DACH2: variants seen among roughly 807,000 people sequenced by gnomAD.
DACH2 encodes the protein dachshund homolog 2.
In DACH2, 17 loss-of-function variants were observed where a neutral mutation model predicts 35.8. The observed-to-expected ratio is 0.48, with a 90% CI of 0.33 to 0.71. DACH2 has a LOEUF of 0.71. Ranked by LOEUF, DACH2 falls within the 30% of genes least tolerant of loss-of-function variation. The probability of loss-of-function intolerance (pLI) is 0.02; values close to 1 mark genes in which losing one functional copy is unlikely to be tolerated. For synonymous variants in DACH2, 195 were observed against 177.3 expected (o/e 1.10, Z -0.79); for missense variants, 469 against 472.7 (o/e 0.99, Z 0.07).
chrX:86,544,710 G>A (rs1434243248), intron 3 of DACH2, among the ~76,000 whole-genome samples: 1 of 111,415 alleles, frequency 9.0e-6, no homozygotes, highest in East Asian at 2.8e-4. Flanking sequence ...AAAGACTATT[G>A]ACACTATGCA....
intron 3 of DACH2, among the ~76,000 whole-genome samples, chrX:86,607,592 T>TTTA (rs1010742233): frequency 7.2e-5 from 8 of 110,386 alleles, no homozygotes; most frequent in Admixed American, 3.9e-4. Context: ...GGTATTGTTT[T>TTTA]TTATTATTAT....
At chrX:86,338,117 A>G (rs2035348783) in intron 1 of DACH2, among the ~76,000 whole-genome samples, 1 of 111,302 alleles carries the variant, frequency 9.0e-6, no homozygotes, top group African/African-American at 3.3e-5. Flanking sequence ...AATAACAGAC[A>G]GATACTTTAA....
intron 1 of DACH2, among the ~76,000 whole-genome samples, chrX:86,310,269 G>T (rs1383759035): frequency 8.9e-6 from 1 of 111,825 alleles, no homozygotes; most frequent in Non-Finnish European, 1.9e-5. Flanking sequence ...AATGGAAGTT[G>T]TATATACATG....
chrX:86,368,881 A>G (rs1053292583), intron 1 of DACH2, among the ~76,000 whole-genome samples: 10 of 111,386 alleles, frequency 9.0e-5, no homozygotes, highest in African/African-American at 2.9e-4. Flanking sequence ...CACATAGCTT[A>G]TTAAGGAAAA....
At chrX:86,406,594 A>G (rs1185992603) in intron 2 of DACH2, among the ~76,000 whole-genome samples, 2 of 112,280 alleles carry the variant, frequency 1.8e-5, no homozygotes, top group Non-Finnish European at 3.8e-5. Context: ...TTAAACTGAC[A>G]TGGTTTTAGT....
intron 5 of DACH2, among the ~76,000 whole-genome samples, chrX:86,712,045 T>C (rs551543667): frequency 1.8e-5 from 2 of 111,519 alleles, no homozygotes; most frequent in East Asian, 2.8e-4. Context: ...GAATAGTAAA[T>C]AGGAGCACTG....
chrX:86,400,228 C>A (rs1209545780), intron 2 of DACH2, among the ~76,000 whole-genome samples: 3 of 111,696 alleles, frequency 2.7e-5, no homozygotes, highest in Non-Finnish European at 5.6e-5. Context: ...GTTTTCAGCT[C>A]TATCAGGTCC....
At chrX:86,702,315 T>A (rs930377603) in intron 5 of DACH2, among the ~76,000 whole-genome samples, 1 of 110,637 alleles carries the variant, frequency 9.0e-6, no homozygotes, top group Admixed American at 9.7e-5. Context: ...GATGCCTACA[T>A]TGAAAAGTCT....
At chrX:86,694,618 A>G (rs917067384) in intron 4 of DACH2, among the ~76,000 whole-genome samples, 1 of 112,351 alleles carries the variant, frequency 8.9e-6, no homozygotes, top group East Asian at 2.8e-4. Context: ...GCATGTTATC[A>G]TGCTCTTACA....
At chrX:86,601,823 C>T (rs931442206) in intron 3 of DACH2, among the ~76,000 whole-genome samples, 4 of 111,964 alleles carry the variant, frequency 3.6e-5, no homozygotes, top group African/African-American at 1.3e-4. Context: ...CAGCCATGTA[C>T]GTATTATTTG....
At chrX:86,455,846 A>G (rs957508623) in intron 2 of DACH2, among the ~76,000 whole-genome samples, 1 of 112,037 alleles carries the variant, frequency 8.9e-6, no homozygotes, top group Non-Finnish European at 1.9e-5. Flanking sequence ...CTTTCTAGGG[A>G]TATCTACAGA....
intron 2 of DACH2, among the ~76,000 whole-genome samples, chrX:86,498,244 A>G (rs1350160686): frequency 9.0e-6 from 1 of 111,690 alleles, no homozygotes. Context: ...TGCCTTAAGC[A>G]TATCATGTAT....
At chrX:86,491,887 C>T (rs1481464861) in intron 2 of DACH2, among the ~76,000 whole-genome samples, 1 of 111,394 alleles carries the variant, frequency 9.0e-6, no homozygotes, top group African/African-American at 3.3e-5. Context: ...TTAAATGTTA[C>T]CCAATCTATA....
At chrX:86,271,313 A>G (rs1214767112) in intron 1 of DACH2, among the ~76,000 whole-genome samples, 1 of 112,113 alleles carries the variant, frequency 8.9e-6, no homozygotes, top group Non-Finnish European at 1.9e-5. Flanking sequence ...TTAAATTTCT[A>G]TTTGTAATAT....
intron 7 of DACH2, among the ~76,000 whole-genome samples, chrX:86,789,823 G>A (rs2042171246): frequency 8.9e-6 from 1 of 111,811 alleles, no homozygotes; most frequent in African/African-American, 3.2e-5. Context: ...TATAAAATAT[G>A]ATGCCAAAAG....
chrX:86,467,806 C>A (rs899379130), intron 2 of DACH2, among the ~76,000 whole-genome samples: 1 of 111,965 alleles, frequency 8.9e-6, no homozygotes, highest in African/African-American at 3.2e-5. Context: ...ACACATTCTT[C>A]TTCCCATGGT....
intron 7 of DACH2, among the ~76,000 whole-genome samples, chrX:86,793,239 T>C (rs1376340039): frequency 9.0e-6 from 1 of 110,887 alleles, no homozygotes; most frequent in Non-Finnish European, 1.9e-5. Context: ...TGGGTTTTTT[T>C]TTGCTATTGA....
intron 2 of DACH2, among the ~76,000 whole-genome samples, chrX:86,420,682 T>C (rs1051258927): frequency 1.8e-5 from 2 of 111,701 alleles, no homozygotes; most frequent in Non-Finnish European, 3.8e-5. Context: ...AGTATATTGC[T>C]TAATGTCAGA....
intron 2 of DACH2, among the ~76,000 whole-genome samples, chrX:86,406,668 C>A (rs2036532046): frequency 8.9e-6 from 1 of 111,964 alleles, no homozygotes; most frequent in East Asian, 2.8e-4. Flanking sequence ...TAAGATATGT[C>A]CAGAACATAT....
Sources: gnomAD v4.1 joint callset for allele counts (sites outside exome capture counted in the v4.1 genomes callset) on GRCh38, gnomAD v4.1.1 for gene constraint, MANE v1.5 for transcripts, NCBI Gene and HGNC (gene_info 2026-07-23, HGNC 2026-07-21) for gene names.